The following UNC13B variants were observed in gnomAD, a reference collection of about 807,000 sequenced individuals.
UNC13B encodes the protein unc-13 homolog B.
A neutral mutation model predicts 211.0 loss-of-function variants in UNC13B; 144 were observed. The observed-to-expected ratio is 0.68, with a 90% confidence interval of 0.60 to 0.78. The LOEUF (loss-of-function observed/expected upper bound fraction) is 0.78, where lower values mean the gene tolerates loss of function less well. UNC13B is among the 30% of genes least tolerant of loss of function. The pLI is 0.00. For synonymous variants in UNC13B, 709 were observed against 725.8 expected, an observed-to-expected ratio of 0.98 and a Z score of 0.37; for missense variants, 1,777 against 2,002.0, an observed-to-expected ratio of 0.89 and a Z score of 2.14.
chr9:35,388,258 A>C (rs1464146497), intron 24 of UNC13B, among the ~76,000 whole-genome samples: 1 of 152,156 alleles, frequency 6.6e-6, no homozygotes, highest in Non-Finnish European at 1.5e-5. Flanking sequence ...AAATACAAAA[A>C]TTAGGCAGGC....
chr9:35,254,245 A>G (rs961891603), intron 6 of UNC13B, among the ~76,000 whole-genome samples: 6 of 152,232 alleles, frequency 3.9e-5, no homozygotes, highest in African/African-American at 7.2e-5. Context: ...TGCTATAACA[A>G]TGCAAACTGG....
chr9:35,226,547 C>T (rs957258670), intron 1 of UNC13B, among the ~76,000 whole-genome samples: 11 of 152,144 alleles, frequency 7.2e-5, no homozygotes, highest in South Asian at 2.1e-4. Flanking sequence ...GTAGGGAAGC[C>T]GACAGTGCAG....
intron 6 of UNC13B, 110 bp downstream of exon 6, chr9:35,243,474 C>G (rs1825920005): frequency 1.8e-6 from 2 of 1,130,130 alleles, no homozygotes; most frequent in African/African-American, 1.6e-5. Flanking sequence ...AATGAAATCA[C>G]TTAAATTGCA....
At chr9:35,228,458 G>A (rs1426753192) in intron 2 of UNC13B, among the ~76,000 whole-genome samples, 1 of 151,814 alleles carries the variant, frequency 6.6e-6, no homozygotes, top group African/African-American at 2.4e-5. Context: ...TTTACATTAG[G>A]TATTTCTCCT....
intron 1 of UNC13B, among the ~76,000 whole-genome samples, chr9:35,173,425 CTTT>C (rs11306638): frequency 1.4e-5 from 2 of 142,510 alleles, no homozygotes; most frequent in African/African-American, 2.5e-5. Context: ...CATAATCTAT[CTTT>C]TTTTTTTTTT....
intron 7 of UNC13B, 116 bp from the exon 8 acceptor site, chr9:35,295,580 C>G: frequency 1.1e-6 from 1 of 916,476 alleles, no homozygotes; most frequent in African/African-American, 1.6e-5. Context: ...TCATGTGAAG[C>G]TCAGCTTGCT....
intron 1 of UNC13B, among the ~76,000 whole-genome samples, chr9:35,212,610 T>TA (rs1186293702): frequency 2.0e-5 from 3 of 152,026 alleles, no homozygotes; most frequent in Non-Finnish European, 4.4e-5. Flanking sequence ...CCACATGAGA[T>TA]ATGAAAGCAT....
chr9:35,173,036 T>C (rs1821418540), intron 1 of UNC13B, among the ~76,000 whole-genome samples: 1 of 152,204 alleles, frequency 6.6e-6, no homozygotes, highest in Admixed American at 6.5e-5. Context: ...CTCTTGCAAC[T>C]GTTTGCTTTA....
chr9:35,384,096 G>A (rs1217161792), intron 21 of UNC13B, 150 bp from the exon 22 acceptor site: 13 of 1,267,580 alleles, frequency 1.0e-5, no homozygotes, highest in South Asian at 3.2e-5. Flanking sequence ...TACACTGTTT[G>A]TTGTTCTTCC....
intron 26 of UNC13B, among the ~76,000 whole-genome samples, chr9:35,395,255 T>C (rs1440163103): frequency 6.6e-6 from 1 of 152,206 alleles, no homozygotes; most frequent in African/African-American, 2.4e-5. Flanking sequence ...TAGTTGTCCT[T>C]TTGCCTCTAG....
chr9:35,295,219 C>T (rs1240044648), intron 7 of UNC13B, among the ~76,000 whole-genome samples: 1 of 152,062 alleles, frequency 6.6e-6, no homozygotes, highest in Non-Finnish European at 1.5e-5. Context: ...TGGTTCAATC[C>T]ATATGTTTAA....
intron 1 of UNC13B, among the ~76,000 whole-genome samples, chr9:35,195,099 A>G (rs141927903): frequency 3.9e-5 from 6 of 152,152 alleles, no homozygotes; most frequent in African/African-American, 1.4e-4. Flanking sequence ...TGCAAATGGA[A>G]CTTTCCCCTT....
intron 7 of UNC13B, among the ~76,000 whole-genome samples, chr9:35,273,633 A>C (rs1828014342): frequency 6.6e-6 from 1 of 152,164 alleles, no homozygotes; most frequent in African/African-American, 2.4e-5. Flanking sequence ...ATATGTAACT[A>C]GGTATTCCCC....
chr9:35,164,434 G>A (rs1249926909), intron 1 of UNC13B, among the ~76,000 whole-genome samples: 1 of 152,190 alleles, frequency 6.6e-6, no homozygotes, highest in Non-Finnish European at 1.5e-5. Flanking sequence ...ATTCATCTTG[G>A]AGTAGAATCA....
intron 1 of UNC13B, among the ~76,000 whole-genome samples, chr9:35,183,924 G>A (rs1304378746): frequency 6.1e-5 from 9 of 146,994 alleles, no homozygotes; most frequent in African/African-American, 7.6e-5. Context: ...CCAAGACGGG[G>A]TGGCGGCAGG....
At chr9:35,233,805 T>C (rs1825344151) in intron 3 of UNC13B, among the ~76,000 whole-genome samples, 1 of 152,230 alleles carries the variant, frequency 6.6e-6, no homozygotes, top group Non-Finnish European at 1.5e-5. Flanking sequence ...CACGTGTTTA[T>C]GTATATTGTT....
chr9:35,208,494 T>A (rs1823787850), intron 1 of UNC13B, among the ~76,000 whole-genome samples: 1 of 152,206 alleles, frequency 6.6e-6, no homozygotes, highest in South Asian at 2.1e-4. Flanking sequence ...GGCTCACAGT[T>A]CTGCAGGCTG....
intron 7 of UNC13B, among the ~76,000 whole-genome samples, chr9:35,265,852 C>T (rs557938858): frequency 9.5e-4 from 144 of 152,228 alleles, no homozygotes; most frequent in African/African-American, 3.3e-3. Context: ...GATGGAGTCT[C>T]TCTCACTCTG....
chr9:35,200,188 G>T (rs1390490792), intron 1 of UNC13B, among the ~76,000 whole-genome samples: 2 of 151,970 alleles, frequency 1.3e-5, no homozygotes, highest in Non-Finnish European at 2.9e-5. Context: ...CTGTTCCATT[G>T]GTCTATATCT....
Sources: gnomAD v4.1 joint callset for allele counts (sites outside exome capture counted in the v4.1 genomes callset) on GRCh38, gnomAD v4.1.1 for gene constraint, MANE v1.5 for transcripts, NCBI Gene and HGNC (gene_info 2026-07-23, HGNC 2026-07-21) for gene names.